Variants in NRG3 observed in about 807,000 individuals in gnomAD.
NRG3 encodes pro-neuregulin-3, membrane-bound isoform.
Under a neutral mutation model 66.9 loss-of-function variants are expected in NRG3, and 31 were observed. The observed-to-expected ratio is 0.46, with a 90% CI of 0.35 to 0.63. NRG3 has a LOEUF of 0.63. Among genes scored for constraint, NRG3 ranks in the 20% least tolerant of loss-of-function variants. The probability of loss-of-function intolerance (pLI) is 0.00; values close to 1 mark genes in which losing one functional copy is unlikely to be tolerated. For synonymous variants in NRG3, 393 were observed against 359.4 expected, an observed-to-expected ratio of 1.09 and a Z score of -1.06; for missense variants, 910 against 878.9, an observed-to-expected ratio of 1.04 and a Z score of -0.45.
chr10:82,362,353 G>A (rs1305968712), intron 2 of NRG3, among the ~76,000 whole-genome samples: 1 of 148,448 alleles, frequency 6.7e-6, no homozygotes, highest in African/African-American at 2.5e-5. Flanking sequence ...GTGTGTGTGT[G>A]TGTGTGTGTG....
At chr10:82,982,639 T>C (rs967122331) in intron 8 of NRG3, among the ~76,000 whole-genome samples, 1 of 152,128 alleles carries the variant, frequency 6.6e-6, no homozygotes, top group Non-Finnish European at 1.5e-5. Context: ...CAGAAAAATT[T>C]CCCCTCCCTC....
At chr10:82,903,026 T>A (rs1328536218) in intron 4 of NRG3, among the ~76,000 whole-genome samples, 2 of 151,952 alleles carry the variant, frequency 1.3e-5, no homozygotes, top group Non-Finnish European at 2.9e-5. Context: ...CTAGCCTATT[T>A]CATCATTAAC....
chr10:82,879,876 T>C (rs1000653225), intron 4 of NRG3, among the ~76,000 whole-genome samples: 1 of 151,824 alleles, frequency 6.6e-6, no homozygotes, highest in Non-Finnish European at 1.5e-5. Flanking sequence ...GAACACAGCT[T>C]AGGGAAGTCA....
At chr10:81,909,521 A>G (rs534333471) in intron 1 of NRG3, among the ~76,000 whole-genome samples, 1 of 152,300 alleles carries the variant, frequency 6.6e-6, no homozygotes, top group African/African-American at 2.4e-5. Context: ...CTCACATGAT[A>G]TGTACTCAGT....
chr10:82,345,742 A>T (rs941140958), intron 1 of NRG3, among the ~76,000 whole-genome samples: 6 of 151,710 alleles, frequency 4.0e-5, no homozygotes, highest in Non-Finnish European at 7.4e-5. Context: ...TATTTCCTTG[A>T]GCAGTGGTTT....
intron 4 of NRG3, among the ~76,000 whole-genome samples, chr10:82,921,223 G>A (rs1023340434): frequency 6.6e-6 from 1 of 152,214 alleles, no homozygotes; most frequent in Admixed American, 6.5e-5. Flanking sequence ...CTAGTCATGA[G>A]AAAATCATCA....
chr10:82,109,373 A>C (rs529002533), intron 1 of NRG3, among the ~76,000 whole-genome samples: 154 of 152,320 alleles, frequency 1.0e-3, no homozygotes, highest in Admixed American at 7.0e-3. Context: ...TTATTTAGTC[A>C]ACACTTTAGT....
chr10:82,803,026 A>C (rs538746706), intron 3 of NRG3, among the ~76,000 whole-genome samples: 5 of 152,268 alleles, frequency 3.3e-5, no homozygotes, highest in African/African-American at 1.2e-4. Flanking sequence ...AATCCTCTGA[A>C]CTAACACAAA....
Position 82,597,788 on chromosome 10 carries a change from G to A in NRG3, c.954-140789G>A, listed in dbSNP as rs111414024. On this transcript the variant is annotated intron_variant, in intron 2 of 8. Transcript: ENST00000372141. ...ACACAAAAATTAGCTGGGCATGGTG[G>A]CATGTGCCTGTAGTCCTAGCTACTA... Among the ~76,000 whole-genome samples the A allele has an allele frequency of 1.7e-3, 255 of 152,184 alleles. 2 individuals carry two copies. The highest frequency in any genetic ancestry group is 5.8e-3 in the African/African-American group (241 of 41,526).
At chr10:82,328,051 G>A (rs1157393573) in intron 1 of NRG3, among the ~76,000 whole-genome samples, 2 of 152,114 alleles carry the variant, frequency 1.3e-5, no homozygotes, top group Non-Finnish European at 2.9e-5. Context: ...GCGGGGTTAG[G>A]GCTTCAACTT....
At chr10:82,213,218 G>A (rs1218735654) in intron 1 of NRG3, among the ~76,000 whole-genome samples, 3 of 152,218 alleles carry the variant, frequency 2.0e-5, no homozygotes, top group East Asian at 3.9e-4. Context: ...TTTCTAATAC[G>A]GGTTTATTTG....
In NRG3 at chr10:82,038,274, T is replaced by G. The variant is rs116258523; in HGVS notation, c.823+162111T>G. Among the ~76,000 whole-genome samples, 880 of 152,252 alleles carry G rather than the reference T, an allele frequency of 5.8e-3. 8 individuals carry two copies. Among genetic ancestry groups the G allele is most frequent in the African/African-American group, 0.019 (800 of 41,562 alleles). On this transcript the variant is annotated intron_variant, in intron 1 of 8. Transcript: ENST00000372141. Reference sequence around the variant, plus strand: ...GTTTCTTCAAATCACTTTTTCCTATTGTAGTGTCCTTTACTGTCTATACAC... The same window carrying G: ...GTTTCTTCAAATCACTTTTTCCTATGGTAGTGTCCTTTACTGTCTATACAC...
At chr10:82,267,689 G>A (rs2078373448) in intron 1 of NRG3, among the ~76,000 whole-genome samples, 1 of 152,138 alleles carries the variant, frequency 6.6e-6, no homozygotes, top group African/African-American at 2.4e-5. Context: ...CCACTGATGT[G>A]TTAGTTTCAT....
intron 3 of NRG3, among the ~76,000 whole-genome samples, chr10:82,842,788 A>G (rs2063124131): frequency 6.6e-6 from 1 of 151,896 alleles, no homozygotes; most frequent in Admixed American, 6.6e-5. Context: ...TGGTGGTATT[A>G]TATGTCGCTG....
chr10:82,929,409 C>A lies in NRG3; in HGVS notation c.1055-22060C>A, dbSNP rs575716159. ...TCAGAAAGCAAATTTTAAAACAATCCCCAGGTATAAGATTTATCTTTCCGA... is the reference window on the plus strand; with the variant it reads ...TCAGAAAGCAAATTTTAAAACAATCACCAGGTATAAGATTTATCTTTCCGA... On this transcript the variant is annotated intron_variant, in intron 4 of 8. Coordinates refer to ENST00000372141, the MANE Select transcript of NRG3 (RefSeq NM_001010848.4). 1.6e-4 allele frequency among the ~76,000 whole-genome samples: 24 copies of A among 152,156 alleles called. 1 individual carries two copies. Among genetic ancestry groups the A allele is most frequent in the Middle Eastern group, 3.4e-3 (1 of 294 alleles).
intron 3 of NRG3, among the ~76,000 whole-genome samples, chr10:82,795,973 C>T (rs992945474): frequency 6.6e-6 from 1 of 152,034 alleles, no homozygotes. Flanking sequence ...TCCTTTAACT[C>T]TATTCCTCTC....
intron 2 of NRG3, among the ~76,000 whole-genome samples, chr10:82,368,395 A>C (rs2135713029): frequency 7.2e-6 from 1 of 139,116 alleles, no homozygotes; most frequent in African/African-American, 3.3e-5. Context: ...CGTGCACAAG[A>C]ACACATTTTA....
At chr10:82,556,030 A>G (rs923450798) in intron 2 of NRG3, among the ~76,000 whole-genome samples, 1 of 152,136 alleles carries the variant, frequency 6.6e-6, no homozygotes, top group Non-Finnish European at 1.5e-5. Flanking sequence ...CAAGGTCACC[A>G]AATTCAGTTG....
At chr10:82,086,001 C>T (rs901503951) in intron 1 of NRG3, among the ~76,000 whole-genome samples, 1 of 152,074 alleles carries the variant, frequency 6.6e-6, no homozygotes, top group African/African-American at 2.4e-5. Flanking sequence ...AAATATTCAA[C>T]AAATGACCTT....
Sources: allele counts gnomAD v4.1 joint callset (sites outside exome capture counted in the v4.1 genomes callset), GRCh38; gene constraint gnomAD v4.1.1; transcripts MANE v1.5; gene names NCBI Gene and HGNC (gene_info 2026-07-23, HGNC 2026-07-21).